CARS1: variants seen among roughly 807,000 people sequenced by gnomAD.
CARS1 encodes cysteinyl-tRNA synthetase 1, also known as cysteine--tRNA ligase, cytoplasmic.
A neutral mutation model predicts 106.2 loss-of-function variants in CARS1; 48 were observed. The ratio of observed to expected loss-of-function variants is 0.45; its 90% CI spans 0.36 to 0.57. The LOEUF is 0.57. Ranked by LOEUF, CARS1 falls within the 20% of genes least tolerant of loss-of-function variation. The pLI, the probability that CARS1 is intolerant of heterozygous loss-of-function variation, is 0.00. For missense variants in CARS1, 968 were observed against 1,057.2 expected (o/e 0.92, Z 1.17); for synonymous variants, 409 against 403.4 (o/e 1.01, Z -0.17).
In CARS1 at chr11:3,038,289, T is replaced by G; in HGVS notation, c.652-90A>C. On this transcript the variant is annotated intron_variant, in intron 6 of 22. Transcript: ENST00000380525. This position sits in a 1 kb window ranked among gnomAD's most constrained non-coding sequence, Gnocchi z 4.0. ...TGATTCCAGGTAGAAAACAGAACGG[T>G]TTTTCCCATGGCCCCATAGAGATAG... 8.0e-7 allele frequency: 1 copy of G among 1,245,412 alleles called. No individual in the cohort carries two copies. Among genetic ancestry groups the G allele is most frequent in the Non-Finnish European group, 1.2e-6 (1 of 867,016 alleles). 77.1% of individuals were successfully genotyped at this position (1,245,412 alleles called of 1,614,324 possible). A position where few individuals can be genotyped will look rare whatever the true frequency, so the allele number is the denominator to read the frequency against.
At chr11:3,049,121 T>A (rs1855411235) in intron 1 of CARS1, among the ~76,000 whole-genome samples, 1 of 136,926 alleles carries the variant, frequency 7.3e-6, no homozygotes, top group East Asian at 2.0e-4. Flanking sequence ...ATTTATTTAT[T>A]TTTATTTTTT....
intron 18 of CARS1, among the ~76,000 whole-genome samples, chr11:3,011,002 G>A (rs1850395535): frequency 6.6e-6 from 1 of 152,222 alleles, no homozygotes; most frequent in Admixed American, 6.5e-5. Flanking sequence ...AGCACAGCAG[G>A]TGATGGAGTA....
Position 3,052,884 on chromosome 11 carries a change from C to T in CARS1, c.25+4459G>A, listed in dbSNP as rs1590580045. ...AGGGACCTGTTCCTCGACACTGGCC[C>T]TCATCGTAGAGCCTGCACGCTCCGT... On this transcript the variant is annotated intron_variant, in intron 1 of 22. Coordinates refer to ENST00000380525, the MANE Select transcript of CARS1 (RefSeq NM_001014437.3). The surrounding 1 kb of genome is among the most constrained non-coding windows in gnomAD (Gnocchi z 4.6). Among the ~76,000 whole-genome samples, 1 of 152,232 alleles carries T rather than the reference C, an allele frequency of 6.6e-6. No homozygotes were observed. Among genetic ancestry groups the T allele is most frequent in the Non-Finnish European group, 1.5e-5 (1 of 68,034 alleles).
chr11:3,006,762 T>C, intron 19 of CARS1, 117 bp downstream of exon 19: 1 of 871,444 alleles, frequency 1.1e-6, no homozygotes, highest in Admixed American at 1.8e-5. Flanking sequence ...GCTGCCACTT[T>C]GGGATTCTGC....
At chr11:3,007,084 A>G (rs540526790) in intron 18 of CARS1, 125 bp from the exon 19 acceptor site, 5 of 794,540 alleles carry the variant, frequency 6.3e-6, no homozygotes, top group Admixed American at 4.2e-5. Context: ...TCCAGTGCTC[A>G]GGAGGGAGGG....
chr11:3,018,572 A>C, intron 13 of CARS1, 48 bp downstream of exon 13: 1 of 1,613,032 alleles, frequency 6.2e-7, no homozygotes, highest in Non-Finnish European at 8.5e-7. Flanking sequence ...GCCATTACAC[A>C]TGTATGAGAA....
At position 3,019,036 on chromosome 11, in the gene CARS1, T is replaced by C; in HGVS notation, c.1395+103A>G. The C allele has an allele frequency of 1.5e-6, 2 of 1,334,390 alleles. No individual in the cohort carries two copies. The highest frequency in any genetic ancestry group is 2.0e-6 in the Non-Finnish European group (2 of 981,796). 82.7% of individuals were successfully genotyped at this position (1,334,390 alleles called of 1,614,324 possible). The stretch of plus-strand genomic sequence containing the variant: ...CACAAGCCCCGATGAAGGTGTCAAG[T>C]TCTAGTGAGAGAGGCCCTTCTGAGG... On this transcript the variant is annotated intron_variant, in intron 12 of 22. Coordinates refer to ENST00000380525, the MANE Select transcript of CARS1 (RefSeq NM_001014437.3). This position sits in a 1 kb window ranked among gnomAD's most constrained non-coding sequence, Gnocchi z 6.2.
Position 3,047,963 on chromosome 11 carries a change from C to A in CARS1, c.64G>T (p.Ala22Ser), listed in dbSNP as rs906480849. ...TCGTTCAGGGCTTGTGCCCTGGCTG[C>A]CTCGTCACTAATGCTCAGAATGGAC... is the stretch of plus-strand genomic sequence containing the variant. Reference protein sequence around the residue: ...YRSILSISDEAARAQALNEHL... With the variant: ...YRSILSISDESARAQALNEHL... The change falls in exon 2 of 23, where the codon GCA becomes TCA. Residue 22 changes from alanine to serine, a missense_variant. By Grantham distance (99) the Ala-to-Ser change is moderately conservative. Transcript: ENST00000380525. 3 of 1,614,106 alleles carry A rather than the reference C, an allele frequency of 1.9e-6. No individual in the cohort carries two copies. Among genetic ancestry groups the A allele is most frequent in the Non-Finnish European group, 2.5e-6 (3 of 1,180,028 alleles).
chr11:3,015,387 T>C (rs1850885662), intron 17 of CARS1, among the ~76,000 whole-genome samples: 1 of 152,258 alleles, frequency 6.6e-6, no homozygotes, highest in Non-Finnish European at 1.5e-5. Context: ...AATTCTGTGC[T>C]GTTTGTGAGC....
In CARS1 at chr11:3,040,193, T is replaced by C; in HGVS notation, c.456-262A>G. 1 of 410,272 alleles carries C rather than the reference T, an allele frequency of 2.4e-6. No individual in the cohort carries two copies. The highest frequency in any genetic ancestry group is 3.8e-5 in the South Asian group (1 of 26,314). 25.4% of individuals were successfully genotyped at this position (410,272 alleles called of 1,614,324 possible). A position where few individuals can be genotyped will look rare whatever the true frequency, so the allele number is the denominator to read the frequency against. ...TGATTTTCTTCATAATATTTTCTTT[T>C]CTCTGGCTTCCTTTATCATTAGGAA... On this transcript the variant is annotated intron_variant, in intron 4 of 22. Transcript: ENST00000380525. This position sits in a 1 kb window ranked among gnomAD's most constrained non-coding sequence, Gnocchi z 5.8.
At chr11:3,005,295 CTA>C (rs1849750205) in intron 20 of CARS1, 69 bp downstream of exon 20, 2 of 1,150,346 alleles carry the variant, frequency 1.7e-6, no homozygotes, top group African/African-American at 1.5e-5. Context: ...AAAAAGTAAA[CTA>C]TGTAATAATC....
At chr11:3,006,739 G>C in intron 19 of CARS1, 140 bp downstream of exon 19, 1 of 756,866 alleles carries the variant, frequency 1.3e-6, no homozygotes, top group East Asian at 2.5e-5. Flanking sequence ...AATGGCGCCG[G>C]GGGACCCATG....
At position 3,034,906 on chromosome 11, in the gene CARS1, C is replaced by A. The variant is rs1853409089; in HGVS notation, c.801+3144G>T. Among the ~76,000 whole-genome samples, 1 of 152,098 alleles carries A rather than the reference C, an allele frequency of 6.6e-6. No individual in the cohort carries two copies. The highest frequency in any genetic ancestry group is 2.4e-5 in the African/African-American group (1 of 41,426). ...GGCTGGAAAGTTCAAGGTCAAGGGG[C>A]CACATCTGTTCTGGGCCTTCTTGCT... is the stretch of plus-strand genomic sequence containing the variant. On this transcript the variant is annotated intron_variant, in intron 7 of 22. Coordinates refer to ENST00000380525, the MANE Select transcript of CARS1 (RefSeq NM_001014437.3). This position sits in a 1 kb window ranked among gnomAD's most constrained non-coding sequence, Gnocchi z 6.3.
rs1854691614 is a variant in CARS1 at position 3,043,084 on chromosome 11, C to T, written c.275-828G>A. 6.6e-6 allele frequency among the ~76,000 whole-genome samples: 1 copy of T among 152,216 alleles called. No homozygotes were observed. Among genetic ancestry groups the T allele is most frequent in the African/African-American group, 2.4e-5 (1 of 41,456 alleles). On this transcript the variant is annotated intron_variant, in intron 2 of 22. Transcript: ENST00000380525. The surrounding 1 kb of genome is among the most constrained non-coding windows in gnomAD (Gnocchi z 4.0). ...GCCTCCAGGCAGAGACCCCTGCCAG[C>T]CAGCCCCTCAGTGCAGTCACCTCCT...
chr11:3,019,496 C>G lies in CARS1; in HGVS notation c.1267-229G>C, dbSNP rs549153683. On this transcript the variant is annotated intron_variant, in intron 11 of 22. Coordinates refer to ENST00000380525, the MANE Select transcript of CARS1 (RefSeq NM_001014437.3). The surrounding 1 kb of genome is among the most constrained non-coding windows in gnomAD (Gnocchi z 6.2). Reference sequence around the variant, plus strand: ...GGATCACCAGGTCAGGAGTTCAAGACCAGCCTGGCCAACATGGTGAAACCC... The same window carrying G: ...GGATCACCAGGTCAGGAGTTCAAGAGCAGCCTGGCCAACATGGTGAAACCC... Among the ~76,000 whole-genome samples, 24 of 152,274 alleles carry G rather than the reference C, an allele frequency of 1.6e-4. No homozygotes were observed. The East Asian group carries it at 3.1e-3, about 20-fold the overall frequency.
intron 19 of CARS1, among the ~76,000 whole-genome samples, 157 bp downstream of exon 19, chr11:3,006,722 G>C (rs1393042030): frequency 6.6e-6 from 1 of 152,238 alleles, no homozygotes; most frequent in African/African-American, 2.4e-5. Context: ...AGGCTGGCCA[G>C]CGTGGGAATG....
At chr11:3,035,146 G>A (rs1354093787) in intron 7 of CARS1, among the ~76,000 whole-genome samples, 2 of 152,082 alleles carry the variant, frequency 1.3e-5, no homozygotes, top group Non-Finnish European at 2.9e-5. Flanking sequence ...GTTACACTAG[G>A]GATTAAGTTT....
chr11:3,006,872 C>T lies in CARS1; in HGVS notation c.2149+7G>A. ...AACTTTGTAGCAAACAGCAAGGGCT[C>T]ACCCACCTTCGTGGTCTTCAAACCG... On this transcript the variant is annotated splice_region_variant and intron_variant, in intron 19 of 22. Transcript: ENST00000380525. 1.2e-6 allele frequency: 2 copies of T among 1,612,112 alleles called. No homozygotes were observed. Among genetic ancestry groups the T allele is most frequent in the Non-Finnish European group, 1.7e-6 (2 of 1,178,182 alleles).
chr11:3,001,946 A>C lies in CARS1; in HGVS notation c.2361+24T>G, dbSNP rs1849434238. On this transcript the variant is annotated intron_variant, in intron 22 of 22. Coordinates refer to ENST00000380525, the MANE Select transcript of CARS1 (RefSeq NM_001014437.3). ...GTGGTCTGATCAAGTTCTGAATAGA[A>C]GAGAAGGATGCTTACATGCTTACAT... The C allele has an allele frequency of 3.2e-6, 5 of 1,558,890 alleles. No individual in the cohort carries two copies. The East Asian group carries it at 9.0e-5, about 28-fold the overall frequency.
Sources: allele counts gnomAD v4.1 joint callset (sites outside exome capture counted in the v4.1 genomes callset), GRCh38; gene constraint gnomAD v4.1.1; non-coding constraint Gnocchi (gnomAD v3.1); transcripts MANE v1.5; gene names NCBI Gene and HGNC (gene_info 2026-07-23, HGNC 2026-07-21).